ANK2: variants seen among roughly 807,000 people sequenced by gnomAD.
ANK2 encodes ankyrin-2.
Under a neutral mutation model 360.5 loss-of-function variants are expected in ANK2, and 83 were observed. The observed-to-expected ratio is 0.23, with a 90% CI of 0.19 to 0.28. The LOEUF (loss-of-function observed/expected upper bound fraction) is 0.28, where lower values mean the gene tolerates loss of function less well. ANK2 is among the 10% of genes least tolerant of loss of function. The pLI is 1.00. For synonymous variants in ANK2, 1,740 were observed against 1,759.5 expected, an observed-to-expected ratio of 0.99 and a Z score of 0.28; for missense variants, 4,201 against 4,795.7, an observed-to-expected ratio of 0.88 and a Z score of 3.66.
chr4:113,235,189 C>T (rs1028722206), intron 5 of ANK2, among the ~76,000 whole-genome samples: 2 of 152,124 alleles, frequency 1.3e-5, no homozygotes, highest in Non-Finnish European at 2.9e-5. Flanking sequence ...GGAGGTAATA[C>T]ATTTAAATAT....
At chr4:113,233,718 G>A (rs1014958716) in intron 5 of ANK2, among the ~76,000 whole-genome samples, 2 of 151,598 alleles carry the variant, frequency 1.3e-5, no homozygotes, top group East Asian at 1.9e-4. Context: ...GCTTATTCTC[G>A]TTAGTTAAAA....
chr4:112,946,228 C>T (rs992807050), intron 2 of ANK2, among the ~76,000 whole-genome samples: 5 of 152,044 alleles, frequency 3.3e-5, no homozygotes, highest in East Asian at 1.9e-4. Flanking sequence ...CAGAGCCTTT[C>T]GTGGAAAGGA....
chr4:113,205,711 TA>T (rs1358536271), intron 4 of ANK2, among the ~76,000 whole-genome samples: 1 of 152,224 alleles, frequency 6.6e-6, no homozygotes, highest in Non-Finnish European at 1.5e-5. Flanking sequence ...TATGCAATGA[TA>T]AATGTCTTTT....
chr4:112,731,532 C>T, the ANK2 span, among the ~76,000 whole-genome samples: 1 of 151,864 alleles, frequency 6.6e-6, no homozygotes, highest in Non-Finnish European at 1.5e-5. Context: ...GAGTTTGAGA[C>T]CAGACTGAGC....
At chr4:113,276,044 C>T (rs1365597318) in intron 15 of ANK2, among the ~76,000 whole-genome samples, 4 of 149,456 alleles carry the variant, frequency 2.7e-5, no homozygotes, top group Non-Finnish European at 3.0e-5. Flanking sequence ...CGGGTTCAAG[C>T]GATTCTTCTG....
At chr4:113,110,459 A>G (rs2094168336) in intron 1 of ANK2, among the ~76,000 whole-genome samples, 1 of 152,344 alleles carries the variant, frequency 6.6e-6, no homozygotes, top group South Asian at 2.1e-4. Flanking sequence ...TAGTTAAACA[A>G]CAGGTGCAAG....
intron 26 of ANK2, among the ~76,000 whole-genome samples, chr4:113,324,734 C>T (rs1249524499): frequency 6.6e-6 from 1 of 152,160 alleles, no homozygotes; most frequent in African/African-American, 2.4e-5. Context: ...CACAGTACCT[C>T]AGAAATCGGA....
intron 1 of ANK2, among the ~76,000 whole-genome samples, chr4:113,138,154 T>C (rs1292881611): frequency 6.6e-6 from 1 of 152,180 alleles, no homozygotes; most frequent in Non-Finnish European, 1.5e-5. Context: ...ATAGATACAT[T>C]TACTCTAAAG....
chr4:113,237,225 C>T lies in ANK2; in HGVS notation c.669+53C>T, dbSNP rs1181344664. The T allele has an allele frequency of 3.2e-6, 5 of 1,560,312 alleles. No homozygotes were observed. The African/African-American group carries it at 4.1e-5, about 13-fold the overall frequency. ...AAGGAACTCTTTGGCTGCCAGACTC[C>T]TCCTGGGGGATGATAAAGAAGTAGG... On this transcript the variant is annotated intron_variant, in intron 6 of 45. Coordinates refer to ENST00000357077, the MANE Select transcript of ANK2 (RefSeq NM_001148.6).
Position 113,358,534 on chromosome 4 carries a change from G to T in ANK2, c.9916G>T (p.Val3306Leu). Residue 3306 changes from valine (V) to leucine (L), a missense_variant, in exon 38 of 46, where the codon GTA becomes TTA. Val to Leu is a conservative substitution (Grantham distance 32). Around this residue, in one of 4 missense-constraint regions of ANK2, gnomAD observed 2,642 missense variants for 2,714.5 expected, o/e 0.97. Transcript: ENST00000357077. ...PFTESKSKIP[V>L]RTMPTSTPAP... ...TACTGAAAGCAAATCCAAAATTCCT[G>T]TAAGGACTATGCCCACTTCCACCCC... 6.2e-7 allele frequency: 1 copy of T among 1,614,066 alleles called. No homozygotes were observed. Among genetic ancestry groups the T allele is most frequent in the East Asian group, 2.2e-5 (1 of 44,882 alleles).
chr4:112,875,889 G>A (rs778659748), intron 1 of ANK2, among the ~76,000 whole-genome samples: 7 of 151,420 alleles, frequency 4.6e-5, no homozygotes, highest in African/African-American at 1.2e-4. Flanking sequence ...CCAGATGAGC[G>A]GATCACCCTC....
chr4:113,349,143 A>C (rs1161306416), intron 36 of ANK2, among the ~76,000 whole-genome samples: 1 of 152,180 alleles, frequency 6.6e-6, no homozygotes, highest in Non-Finnish European at 1.5e-5. Context: ...GAAGAAAGCA[A>C]GTCTTAGAGA....
chr4:113,333,319 T>C (rs1440131755), intron 29 of ANK2, 111 bp downstream of exon 29: 3 of 1,342,604 alleles, frequency 2.2e-6, no homozygotes, highest in Non-Finnish European at 2.1e-6. Context: ...TGTGTGTGTG[T>C]GTGTGTGTGT....
At chr4:112,992,297 C>A (rs1418793438) in intron 2 of ANK2, among the ~76,000 whole-genome samples, 1 of 152,092 alleles carries the variant, frequency 6.6e-6, no homozygotes, top group Non-Finnish European at 1.5e-5. Context: ...GCATGAGTCA[C>A]CACGCCCGGC....
the ANK2 span, among the ~76,000 whole-genome samples, chr4:112,732,691 G>A: frequency 1.6e-4 from 25 of 152,248 alleles, no homozygotes; most frequent in Admixed American, 9.2e-4. Flanking sequence ...GTGTTGGGAC[G>A]CACTTTTAGA....
intron 2 of ANK2, among the ~76,000 whole-genome samples, chr4:113,188,836 A>T (rs10488904): frequency 0.2 from 30,095 of 152,054 alleles, 3,121 homozygotes; most frequent in East Asian, 0.31. Flanking sequence ...GTTTCCAAAG[A>T]TGGATATATT....
At chr4:113,147,172 G>GA (rs939912731) in intron 1 of ANK2, among the ~76,000 whole-genome samples, 10 of 150,814 alleles carry the variant, frequency 6.6e-5, no homozygotes, top group Admixed American at 1.3e-4. Context: ...CAAAAACGAA[G>GA]AAAAAAAAAG....
intron 4 of ANK2, among the ~76,000 whole-genome samples, chr4:113,231,045 C>CTT (rs1331185055): frequency 6.4e-5 from 9 of 139,962 alleles, no homozygotes; most frequent in Non-Finnish European, 7.9e-5. Context: ...TTTACATTTT[C>CTT]TTTTTTTTTT....
intron 1 of ANK2, among the ~76,000 whole-genome samples, chr4:113,107,240 G>C (rs186745332): frequency 6.6e-6 from 1 of 151,846 alleles, no homozygotes; most frequent in African/African-American, 2.4e-5. Flanking sequence ...TTCTTGAGAC[G>C]AAGTTTTGCT....
Sources: gnomAD v4.1 joint callset for allele counts (sites outside exome capture counted in the v4.1 genomes callset) on GRCh38, gnomAD v4.1.1 for gene constraint, gnomAD v4.1.1 regional missense constraint, MANE v1.5 for transcripts, NCBI Gene and HGNC (gene_info 2026-07-23, HGNC 2026-07-21) for gene names.